Variants in NUP93 observed in about 807,000 individuals in gnomAD.
The protein encoded by NUP93 is nuclear pore complex protein Nup93.
In NUP93, 55 loss-of-function variants were observed where a neutral mutation model predicts 107.8. The observed-to-expected ratio is 0.51, with a 90% CI of 0.41 to 0.64. The LOEUF (loss-of-function observed/expected upper bound fraction) is 0.64. Among genes scored for constraint, NUP93 ranks in the 30% least tolerant of loss-of-function variants. NUP93 has a pLI of 0.00. For missense variants in NUP93, 937 were observed against 1,044.7 expected, an observed-to-expected ratio of 0.90 and a Z score of 1.42; for synonymous variants, 390 against 397.5, an observed-to-expected ratio of 0.98 and a Z score of 0.22.
At chr16:56,731,897 GA>G (rs1338722249) in intron 1 of NUP93, among the ~76,000 whole-genome samples, 35 of 147,572 alleles carry the variant, frequency 2.4e-4, no homozygotes, top group Middle Eastern at 3.4e-3. Context: ...TTACTTAAAA[GA>G]AAAAAAAAAC....
At chr16:56,761,062 T>G (rs1962117976) in intron 3 of NUP93, among the ~76,000 whole-genome samples, 1 of 152,232 alleles carries the variant, frequency 6.6e-6, no homozygotes, top group Non-Finnish European at 1.5e-5. Context: ...AACTTTTGAT[T>G]AATTAGGAAT....
At chr16:56,830,802 A>G (rs2144628870) in intron 10 of NUP93, 117 bp downstream of exon 10, 1 of 981,974 alleles carries the variant, frequency 1.0e-6, no homozygotes, top group Non-Finnish European at 1.4e-6. Context: ...GCTTGGGGGA[A>G]AAAGGAAGTT....
intron 3 of NUP93, among the ~76,000 whole-genome samples, chr16:56,776,856 C>T (rs1166573459): frequency 6.6e-6 from 1 of 152,210 alleles, no homozygotes; most frequent in East Asian, 1.9e-4. Flanking sequence ...CTCTTTGTGC[C>T]TGAAATTTTG....
chr16:56,739,338 CA>C (rs1415152845), intron 1 of NUP93, among the ~76,000 whole-genome samples: 18 of 47,946 alleles, frequency 3.8e-4, no homozygotes, highest in Non-Finnish European at 5.0e-4. Context: ...GCTGGCCGGG[CA>C]GGGGGGCTGA....
At chr16:56,740,112 C>G (rs1961695428) in intron 1 of NUP93, among the ~76,000 whole-genome samples, 1 of 139,616 alleles carries the variant, frequency 7.2e-6, no homozygotes, top group Non-Finnish European at 1.5e-5. Flanking sequence ...GGGCGGCTGG[C>G]CAGGCGGGGG....
intron 5 of NUP93, among the ~76,000 whole-genome samples, chr16:56,808,689 T>TTATAAATATATAAAAATACATA (rs1338226635): frequency 7.7e-6 from 1 of 129,836 alleles, no homozygotes; most frequent in African/African-American, 2.9e-5. Context: ...ATACATATAT[T>TTATAAATATATAAAAATACATA]TATAAATATA....
At position 56,839,062 on chromosome 16, in the gene NUP93, C is replaced by A. The variant is rs1442176633; in HGVS notation, c.2129C>A (p.Ala710Asp). The change falls in exon 19 of 22, where the codon GCT becomes GAT. Residue 710 changes from alanine (A) to aspartate (D), a missense_variant. Transcript: ENST00000308159. ...TATCATAGTGGTCATATTGATAGAG[C>A]TTTTGATGTAAGTTTCAGGAAAGGT... ...DEYHSGHIDR[A>D]FDIIERLKLV... 5 of 1,607,884 alleles carry A rather than the reference C, an allele frequency of 3.1e-6. No individual in the cohort carries two copies. The highest frequency in any genetic ancestry group is 4.3e-6 in the Non-Finnish European group (5 of 1,174,864).
In NUP93 at chr16:56,833,333, T is replaced by C. The variant is rs948147387; in HGVS notation, c.1464T>C (p.His488=). ...FLFRMERLRC[H]AVHVALVLFE... is the part of the protein sequence containing the mutation. ...TCCGCATGGAGCGGCTGCGCTGCCA[T>C]GCTGTCCATGTAGCACTGGTGCTGT... is the stretch of plus-strand genomic sequence containing the variant. Residue 488 remains histidine, a synonymous_variant, in exon 13 of 22, where the codon CAT becomes CAC. Coordinates refer to ENST00000308159, the MANE Select transcript of NUP93 (RefSeq NM_014669.5). 27 of 1,606,612 alleles carry C rather than the reference T, an allele frequency of 1.7e-5. No homozygotes were observed. Among genetic ancestry groups the C allele is most frequent in the Middle Eastern group, 1.8e-4 (1 of 5,548 alleles).
At chr16:56,817,504 T>A (rs72786727) in intron 5 of NUP93, among the ~76,000 whole-genome samples, 5 of 152,152 alleles carry the variant, frequency 3.3e-5, no homozygotes, top group South Asian at 2.1e-4. Flanking sequence ...AGCTTTTTTT[T>A]ATAAATGAGA....
intron 3 of NUP93, among the ~76,000 whole-genome samples, chr16:56,776,793 A>G (rs1567384268): frequency 1.3e-5 from 2 of 152,224 alleles, no homozygotes; most frequent in Non-Finnish European, 2.9e-5. Flanking sequence ...AGGAAACAAG[A>G]AAGCCAGGTC....
At chr16:56,827,475 A>C (rs1160453521) in intron 8 of NUP93, among the ~76,000 whole-genome samples, 5 of 152,238 alleles carry the variant, frequency 3.3e-5, no homozygotes, top group Admixed American at 3.3e-4. Flanking sequence ...CTACTTATTA[A>C]GTACAAAGAG....
intron 3 of NUP93, among the ~76,000 whole-genome samples, chr16:56,778,512 A>G (rs944040650): frequency 9.2e-5 from 14 of 152,352 alleles, no homozygotes; most frequent in South Asian, 4.1e-4. Flanking sequence ...AGGCAATTGT[A>G]GTAATACAGC....
chr16:56,833,169 C>T, intron 12 of NUP93, 46 bp from the exon 13 acceptor site: 1 of 1,544,674 alleles, frequency 6.5e-7, no homozygotes, highest in Non-Finnish European at 8.7e-7. Flanking sequence ...CAGTGAGCCC[C>T]TTCTTTCTAA....
At chr16:56,823,576 C>T (rs1227448978) in intron 7 of NUP93, 131 bp from the exon 8 acceptor site, 6 of 1,068,950 alleles carry the variant, frequency 5.6e-6, no homozygotes, top group African/African-American at 1.6e-5. Flanking sequence ...TAAGCCTAGC[C>T]GTCACAGACA....
chr16:56,832,251 G>T (rs765612929), intron 11 of NUP93, 44 bp from the exon 12 acceptor site: 3 of 1,505,616 alleles, frequency 2.0e-6, no homozygotes, highest in South Asian at 1.1e-5. Flanking sequence ...ATGTGGCTCA[G>T]GGTGTCATTT....
intron 3 of NUP93, among the ~76,000 whole-genome samples, chr16:56,771,014 A>G (rs1359965376): frequency 6.6e-6 from 1 of 152,174 alleles, no homozygotes; most frequent in African/African-American, 2.4e-5. Flanking sequence ...AAGCTTCCTT[A>G]TGTGCTAAAA....
chr16:56,772,339 G>T (rs1428249546), intron 3 of NUP93, among the ~76,000 whole-genome samples: 4 of 152,174 alleles, frequency 2.6e-5, no homozygotes, highest in Admixed American at 2.6e-4. Context: ...GAACACAGTT[G>T]GAGAGTGAGT....
intron 6 of NUP93, among the ~76,000 whole-genome samples, chr16:56,819,641 G>C (rs561643974): frequency 7.2e-5 from 11 of 152,192 alleles, no homozygotes; most frequent in Non-Finnish European, 8.8e-5. Flanking sequence ...AGGTGAGCAG[G>C]GGACAGTGAG....
chr16:56,802,532 G>A (rs1963043174), intron 4 of NUP93, among the ~76,000 whole-genome samples: 2 of 152,176 alleles, frequency 1.3e-5, no homozygotes, highest in East Asian at 3.9e-4. Flanking sequence ...TGTGTCTGCA[G>A]AATATGTATT....
Sources: allele counts gnomAD v4.1 joint callset (sites outside exome capture counted in the v4.1 genomes callset), GRCh38; gene constraint gnomAD v4.1.1; transcripts MANE v1.5; gene names NCBI Gene and HGNC (gene_info 2026-07-23, HGNC 2026-07-21).